GRID2: variants seen among roughly 807,000 people sequenced by gnomAD.
The protein encoded by GRID2 is glutamate receptor ionotropic, delta-2.
In GRID2, 33 loss-of-function variants were observed where a neutral mutation model predicts 114.8. The ratio of observed to expected loss-of-function variants is 0.29; its 90% CI spans 0.22 to 0.38. The LOEUF (loss-of-function observed/expected upper bound fraction) is 0.38, where lower values mean the gene tolerates loss of function less well. Among genes scored for constraint, GRID2 ranks in the 10% least tolerant of loss-of-function variants. GRID2 has a pLI of 1.00. For synonymous variants in GRID2, 505 were observed against 449.9 expected (o/e 1.12, Z -1.55); for missense variants, 1,184 against 1,257.7 (o/e 0.94, Z 0.89).
chr4:93,137,122 AC>A (rs2149381889), intron 4 of GRID2, among the ~76,000 whole-genome samples: 1 of 152,284 alleles, frequency 6.6e-6, no homozygotes, highest in Admixed American at 6.5e-5. Flanking sequence ...TAAGCTTATA[AC>A]TGTTACTCTT....
At chr4:93,137,013 T>A (rs774799845) in intron 4 of GRID2, among the ~76,000 whole-genome samples, 1 of 152,156 alleles carries the variant, frequency 6.6e-6, no homozygotes, top group African/African-American at 2.4e-5. Flanking sequence ...CAGACAAAAA[T>A]TAATATAGAA....
At chr4:93,056,069 A>T (rs1727206082) in intron 2 of GRID2, among the ~76,000 whole-genome samples, 1 of 151,958 alleles carries the variant, frequency 6.6e-6, no homozygotes, top group Non-Finnish European at 1.5e-5. Context: ...TGTGTGTTGC[A>T]GTGACATCTT....
At chr4:92,505,860 T>C (rs1723939504) in intron 1 of GRID2, among the ~76,000 whole-genome samples, 1 of 151,982 alleles carries the variant, frequency 6.6e-6, no homozygotes, top group Admixed American at 6.6e-5. Flanking sequence ...AAGAAGAGTG[T>C]CAATAAGTTA....
intron 13 of GRID2, among the ~76,000 whole-genome samples, chr4:93,581,631 A>T (rs1298209637): frequency 2.0e-5 from 3 of 152,188 alleles, no homozygotes; most frequent in Non-Finnish European, 4.4e-5. Flanking sequence ...ATATCCAAGG[A>T]AATTAAGTAA....
intron 2 of GRID2, among the ~76,000 whole-genome samples, chr4:92,708,055 G>A (rs900721508): frequency 6.6e-6 from 1 of 152,140 alleles, no homozygotes; most frequent in African/African-American, 2.4e-5. Flanking sequence ...GAAGGCTATG[G>A]AAGTAAAACA....
chr4:92,783,837 T>C (rs562211816), intron 2 of GRID2, among the ~76,000 whole-genome samples: 1 of 151,946 alleles, frequency 6.6e-6, no homozygotes, highest in African/African-American at 2.4e-5. Context: ...CAGTGAGTTA[T>C]GATCATGCTA....
intron 2 of GRID2, among the ~76,000 whole-genome samples, chr4:92,623,297 A>C (rs1730362933): frequency 6.6e-6 from 1 of 151,550 alleles, no homozygotes; most frequent in South Asian, 2.1e-4. Flanking sequence ...TAAATAAATA[A>C]ATCTTAGGAT....
At chr4:92,929,437 T>C (rs954534227) in intron 2 of GRID2, among the ~76,000 whole-genome samples, 1 of 151,344 alleles carries the variant, frequency 6.6e-6, no homozygotes, top group Admixed American at 6.6e-5. Flanking sequence ...TTATAACAAG[T>C]GTAAGTAATT....
chr4:92,651,452 G>A (rs1731929797), intron 2 of GRID2, among the ~76,000 whole-genome samples: 1 of 152,040 alleles, frequency 6.6e-6, no homozygotes, highest in African/African-American at 2.4e-5. Flanking sequence ...ATGACGATAG[G>A]AGTGCCTGGG....
intron 14 of GRID2, among the ~76,000 whole-genome samples, chr4:93,709,887 T>A (rs184491245): frequency 6.6e-6 from 1 of 152,318 alleles, no homozygotes; most frequent in Admixed American, 6.5e-5. Context: ...GTCAGTTGCA[T>A]TTTTTAGCAC....
At chr4:92,995,397 T>G (rs1755140025) in intron 2 of GRID2, among the ~76,000 whole-genome samples, 1 of 152,168 alleles carries the variant, frequency 6.6e-6, no homozygotes, top group African/African-American at 2.4e-5. Context: ...GCACACACTG[T>G]GTTAGATGCT....
At chr4:92,429,465 A>G (rs1402237674) in intron 1 of GRID2, among the ~76,000 whole-genome samples, 1 of 152,120 alleles carries the variant, frequency 6.6e-6, no homozygotes, top group East Asian at 1.9e-4. Context: ...CCCATTCTGT[A>G]TGTGTACTGC....
chr4:93,026,352 T>A (rs1460705150), intron 2 of GRID2, among the ~76,000 whole-genome samples: 1 of 151,892 alleles, frequency 6.6e-6, no homozygotes, highest in Non-Finnish European at 1.5e-5. Flanking sequence ...GAGAAACCTA[T>A]GCATCACCAG....
chr4:93,563,200 T>C (rs1270274242), intron 13 of GRID2, among the ~76,000 whole-genome samples: 1 of 152,028 alleles, frequency 6.6e-6, no homozygotes, highest in African/African-American at 2.4e-5. Flanking sequence ...TCTAAATCTA[T>C]ATTTTAAAAA....
intron 13 of GRID2, among the ~76,000 whole-genome samples, chr4:93,566,829 AT>A (rs750553700): frequency 4.9e-4 from 74 of 152,242 alleles, no homozygotes; most frequent in African/African-American, 1.6e-3. Flanking sequence ...CAAAGAATGA[AT>A]TTTTTTATAT....
chr4:92,798,320 A>G (rs550536077), intron 2 of GRID2, among the ~76,000 whole-genome samples: 1 of 152,120 alleles, frequency 6.6e-6, no homozygotes, highest in East Asian at 1.9e-4. Context: ...AAAAGTGTGT[A>G]AATCAAATAA....
At chr4:93,146,203 C>A (rs1204650932) in intron 4 of GRID2, among the ~76,000 whole-genome samples, 1 of 152,038 alleles carries the variant, frequency 6.6e-6, no homozygotes, top group Non-Finnish European at 1.5e-5. Flanking sequence ...TATTTATATT[C>A]TTGTAATTAA....
In GRID2 at chr4:93,429,925, T is replaced by C. The variant is rs751607301; in HGVS notation, c.1545+6957T>C. Among the ~76,000 whole-genome samples the C allele has an allele frequency of 7.1e-4, 108 of 152,282 alleles. 1 individual carries two copies. Among genetic ancestry groups the C allele is most frequent in the South Asian group, 2.1e-4 (1 of 4,830 alleles). ...AAAGTAGACATATAATATTGGAGTA[T>C]AATAAGATACTATTTAGTAATTATA... On this transcript the variant is annotated intron_variant, in intron 10 of 15. Coordinates refer to ENST00000282020, the MANE Select transcript of GRID2 (RefSeq NM_001510.4).
At chr4:93,683,095 T>C (rs943848572) in intron 14 of GRID2, among the ~76,000 whole-genome samples, 1 of 152,060 alleles carries the variant, frequency 6.6e-6, no homozygotes, top group South Asian at 2.1e-4. Context: ...TTCTAACCTT[T>C]TTAAGATGTT....
Sources: gnomAD v4.1 joint callset for allele counts (sites outside exome capture counted in the v4.1 genomes callset) on GRCh38, gnomAD v4.1.1 for gene constraint, MANE v1.5 for transcripts, NCBI Gene and HGNC (gene_info 2026-07-23, HGNC 2026-07-21) for gene names.